The following SAMD12 variants were observed in gnomAD, a reference collection of about 807,000 sequenced individuals.
SAMD12 encodes sterile alpha motif domain containing 12.
A neutral mutation model predicts 15.0 loss-of-function variants in SAMD12; 9 were observed. That is an observed-to-expected ratio of 0.60 (90% CI 0.36 to 1.05). The LOEUF is 1.05. Among genes scored for constraint, SAMD12 ranks in the 50% least tolerant of loss-of-function variants. The pLI is 0.01. For missense variants in SAMD12, 230 were observed against 234.2 expected (o/e 0.98, Z 0.12); for synonymous variants, 86 against 90.1 (o/e 0.96, Z 0.25).
chr8:118,426,094 A>G (rs1164852431), intron 3 of SAMD12, among the ~76,000 whole-genome samples: 1 of 152,242 alleles, frequency 6.6e-6, no homozygotes, highest in Admixed American at 6.5e-5. Flanking sequence ...AATGGGATAC[A>G]GTCTATCTCT....
chr8:118,443,598 A>C (rs1362571227), intron 2 of SAMD12, among the ~76,000 whole-genome samples: 1 of 152,236 alleles, frequency 6.6e-6, no homozygotes, highest in African/African-American at 2.4e-5. Context: ...GATGGTAATA[A>C]AAGTATTGAT....
intron 2 of SAMD12, among the ~76,000 whole-genome samples, chr8:118,461,211 T>G (rs977039799): frequency 1.3e-5 from 2 of 152,240 alleles, no homozygotes; most frequent in Non-Finnish European, 2.9e-5. Context: ...CCTGAGTATT[T>G]TGTGGGTACA....
intron 2 of SAMD12, among the ~76,000 whole-genome samples, chr8:118,552,222 A>C (rs376449361): frequency 1.3e-4 from 20 of 152,054 alleles, no homozygotes; most frequent in East Asian, 1.9e-4. Context: ...GAGACACAAC[A>C]AAAAAAGAGA....
At chr8:118,549,568 A>G (rs1826253951) in intron 2 of SAMD12, among the ~76,000 whole-genome samples, 1 of 152,208 alleles carries the variant, frequency 6.6e-6, no homozygotes, top group African/African-American at 2.4e-5. Flanking sequence ...AGATAAAACC[A>G]CAAAGATGGG....
At chr8:118,234,710 C>CAAAAAAAAAA (rs10647591) in intron 4 of SAMD12, among the ~76,000 whole-genome samples, 5 of 105,622 alleles carry the variant, frequency 4.7e-5, no homozygotes, top group Non-Finnish European at 5.4e-5. Flanking sequence ...GACTCCATCT[C>CAAAAAAAAAA]AAAAAAAAAA....
chr8:118,336,766 T>C (rs570231156), intron 4 of SAMD12, among the ~76,000 whole-genome samples: 80 of 152,328 alleles, frequency 5.3e-4, no homozygotes, highest in African/African-American at 1.9e-3. Flanking sequence ...CCAACTCAAA[T>C]GTCCATCAAT....
At chr8:118,575,083 C>T (rs1045074362) in intron 2 of SAMD12, among the ~76,000 whole-genome samples, 6 of 152,180 alleles carry the variant, frequency 3.9e-5, no homozygotes, top group African/African-American at 1.2e-4. Flanking sequence ...CCACAAGTTG[C>T]CCTGCAGTCA....
At chr8:118,508,799 T>C (rs559849050) in intron 2 of SAMD12, among the ~76,000 whole-genome samples, 8 of 152,338 alleles carry the variant, frequency 5.3e-5, no homozygotes, top group Middle Eastern at 3.4e-3. Context: ...GAGGTGGAGA[T>C]ATGAAAAGGA....
chr8:118,549,827 G>A (rs62531918), intron 2 of SAMD12, among the ~76,000 whole-genome samples: 1 of 152,182 alleles, frequency 6.6e-6, no homozygotes, highest in East Asian at 1.9e-4. Context: ...ACAGAGAAGT[G>A]CTTAAAGGAA....
intron 4 of SAMD12, among the ~76,000 whole-genome samples, chr8:118,240,845 AAG>A (rs1334408831): frequency 1.3e-5 from 2 of 152,148 alleles, no homozygotes; most frequent in Admixed American, 6.6e-5. Flanking sequence ...GCCAAGATTA[AAG>A]AGTCAACCAG....
At chr8:118,287,926 G>A (rs1189281597) in intron 4 of SAMD12, among the ~76,000 whole-genome samples, 1 of 152,110 alleles carries the variant, frequency 6.6e-6, no homozygotes, top group African/African-American at 2.4e-5. Flanking sequence ...TGCCCCTAAG[G>A]ATAGGAAAAT....
At chr8:118,408,937 C>T (rs771999389) in intron 3 of SAMD12, among the ~76,000 whole-genome samples, 2 of 152,082 alleles carry the variant, frequency 1.3e-5, no homozygotes, top group East Asian at 3.9e-4. Context: ...CCCACTCTGT[C>T]GCCCAGGTTG....
chr8:118,449,155 C>T (rs1418598726), intron 2 of SAMD12, among the ~76,000 whole-genome samples: 2 of 151,742 alleles, frequency 1.3e-5, no homozygotes, highest in African/African-American at 2.4e-5. Context: ...CACTGCCTCC[C>T]ATGTTCAAAC....
chr8:118,549,719 G>A lies in SAMD12; in HGVS notation c.192+30996C>T, dbSNP rs558447554. On this transcript the variant is annotated intron_variant, in intron 2 of 3. Transcript: ENST00000314727. ...AAGTTGAGAGAAGAAGGATTCAGAC[G>A]ATCAAACTACGAGCTACAGGAAGAA... Among the ~76,000 whole-genome samples, 15 of 150,116 alleles carry A rather than the reference G, an allele frequency of 1.0e-4. No homozygotes were observed. The East Asian group carries it at 2.2e-3, about 22-fold the overall frequency.
At chr8:118,619,127 C>T (rs921386347) in intron 1 of SAMD12, among the ~76,000 whole-genome samples, 21 of 152,248 alleles carry the variant, frequency 1.4e-4, no homozygotes, top group African/African-American at 5.1e-4. Context: ...CAGCCCCCAG[C>T]AGCAGTTCCT....
chr8:118,438,278 T>C (rs1209968551), intron 3 of SAMD12, among the ~76,000 whole-genome samples: 2 of 152,194 alleles, frequency 1.3e-5, no homozygotes, highest in African/African-American at 4.8e-5. Flanking sequence ...AGGATTTTAC[T>C]CTCTTGTTTG....
chr8:118,141,209 A>C, the SAMD12 span, among the ~76,000 whole-genome samples: 3 of 152,374 alleles, frequency 2.0e-5, no homozygotes, highest in East Asian at 5.8e-4. Flanking sequence ...AGCTTTTACG[A>C]AAGTCTTCAG....
At position 118,281,643 on chromosome 8, in the gene SAMD12, A is replaced by G. The variant is rs142640411; in HGVS notation, c.434-83911T>C. On this transcript the variant is annotated intron_variant, in intron 4 of 4. Coordinates refer to the SAMD12 transcript ENST00000409003. The stretch of plus-strand genomic sequence containing the variant: ...CTTTAAATTGCATGATAAATCCAGA[A>G]GTTGCTCAAAACCTGCTTTTGTGTG... 6.5e-3 allele frequency among the ~76,000 whole-genome samples: 986 copies of G among 152,274 alleles called. 12 individuals are homozygous for G. The highest frequency in any genetic ancestry group is 0.023 in the African/African-American group (936 of 41,564).
At chr8:118,365,211 T>G (rs1277105948) in intron 4 of SAMD12, among the ~76,000 whole-genome samples, 2 of 152,202 alleles carry the variant, frequency 1.3e-5, no homozygotes, top group African/African-American at 2.4e-5. Flanking sequence ...GGCTTCTTCA[T>G]GCTCCTGGAA....
Sources: allele counts gnomAD v4.1 joint callset (sites outside exome capture counted in the v4.1 genomes callset), GRCh38; gene constraint gnomAD v4.1.1; transcripts MANE v1.5; gene names NCBI Gene and HGNC (gene_info 2026-07-23, HGNC 2026-07-21).